Variants in SORCS2 observed in about 807,000 individuals in gnomAD.
SORCS2 encodes VPS10 domain-containing receptor SorCS2.
In SORCS2, 100 loss-of-function variants were observed where a neutral mutation model predicts 141.6. The ratio of observed to expected loss-of-function variants is 0.71; its 90% CI spans 0.60 to 0.83. The LOEUF (loss-of-function observed/expected upper bound fraction) is 0.83, where lower values mean the gene tolerates loss of function less well. SORCS2 is among the 40% of genes least tolerant of loss of function. SORCS2 has a pLI of 0.00. For missense variants in SORCS2, 1,646 were observed against 1,560.2 expected, an observed-to-expected ratio of 1.05 and a Z score of -0.93; for synonymous variants, 789 against 676.9, an observed-to-expected ratio of 1.17 and a Z score of -2.57.
At chr4:7,396,187 TAG>T in intron 1 of SORCS2, 99 bp from the exon 2 acceptor site, 1 of 1,138,190 alleles carries the variant, frequency 8.8e-7, no homozygotes. Context: ...GGCTGTTATT[TAG>T]AGACCCCAAA....
intron 3 of SORCS2, among the ~76,000 whole-genome samples, chr4:7,635,583 G>A (rs866722088): frequency 1.3e-5 from 2 of 152,278 alleles, no homozygotes; most frequent in South Asian, 4.1e-4. Context: ...GGTATGTACA[G>A]TAAGCGTACT....
At chr4:7,287,418 C>A (rs568887845) in intron 1 of SORCS2, among the ~76,000 whole-genome samples, 94 of 152,356 alleles carry the variant, frequency 6.2e-4, no homozygotes, top group African/African-American at 2.2e-3. Context: ...GAATGGAAAC[C>A]GTTCCTACTG....
At chr4:7,591,454 G>T (rs1716907605) in intron 3 of SORCS2, among the ~76,000 whole-genome samples, 1 of 152,172 alleles carries the variant, frequency 6.6e-6, no homozygotes, top group Non-Finnish European at 1.5e-5. Flanking sequence ...AGGGGGCACT[G>T]GGAAGGGTTT....
intron 2 of SORCS2, among the ~76,000 whole-genome samples, chr4:7,465,921 G>A (rs374760529): frequency 2.0e-5 from 3 of 152,124 alleles, no homozygotes; most frequent in Non-Finnish European, 4.4e-5. Flanking sequence ...AAACAGAGGT[G>A]CAGACAGGCC....
intron 2 of SORCS2, among the ~76,000 whole-genome samples, chr4:7,500,047 C>T (rs1731865370): frequency 6.6e-6 from 1 of 152,198 alleles, no homozygotes; most frequent in East Asian, 1.9e-4. Context: ...GACCCAGCTG[C>T]GGCCCCAGAT....
chr4:7,638,619 G>A (rs1487222009), intron 4 of SORCS2, 127 bp downstream of exon 4: 5 of 956,098 alleles, frequency 5.2e-6, no homozygotes, highest in East Asian at 6.0e-5. Flanking sequence ...GGAGCCTCCC[G>A]GGGCTGGGGG....
At chr4:7,698,161 TGGCTGAAG>T (rs1370893727) in intron 12 of SORCS2, among the ~76,000 whole-genome samples, 3 of 152,346 alleles carry the variant, frequency 2.0e-5, no homozygotes, top group Middle Eastern at 3.4e-3. Context: ...ATGGTCTTTC[TGGCTGAAG>T]CTGGCCTGCC....
intron 3 of SORCS2, among the ~76,000 whole-genome samples, chr4:7,618,786 C>G (rs1173391292): frequency 6.6e-6 from 1 of 151,990 alleles, no homozygotes; most frequent in Non-Finnish European, 1.5e-5. Flanking sequence ...GTTTTTTTCA[C>G]TATTTGAGAG....
chr4:7,460,512 C>G (rs192473537), intron 2 of SORCS2, among the ~76,000 whole-genome samples: 2 of 152,356 alleles, frequency 1.3e-5, no homozygotes, highest in African/African-American at 4.8e-5. Flanking sequence ...CCACCTTGCG[C>G]CATTGTGTCT....
At chr4:7,611,767 C>G (rs1256028007) in intron 3 of SORCS2, among the ~76,000 whole-genome samples, 1 of 152,230 alleles carries the variant, frequency 6.6e-6, no homozygotes. Flanking sequence ...TTTCAGTGCC[C>G]GTGAATGCCT....
intron 6 of SORCS2, 28 bp downstream of exon 6, chr4:7,661,592 G>T (rs1722172916): frequency 1.3e-6 from 2 of 1,549,122 alleles, no homozygotes; most frequent in African/African-American, 1.4e-5. Context: ...CAGGCACCGG[G>T]TATCCCTGAG....
At chr4:7,367,316 C>G (rs1266516016) in intron 1 of SORCS2, among the ~76,000 whole-genome samples, 2 of 152,242 alleles carry the variant, frequency 1.3e-5, no homozygotes, top group African/African-American at 2.4e-5. Context: ...TCACGTCAAA[C>G]AGAGTGGGGA....
intron 2 of SORCS2, among the ~76,000 whole-genome samples, chr4:7,490,054 A>C (rs564422680): frequency 1.4e-4 from 21 of 152,330 alleles, no homozygotes; most frequent in East Asian, 1.2e-3. Flanking sequence ...ATAAAAGGGC[A>C]CAAGATCACA....
At chr4:7,340,134 T>C (rs1354033355) in intron 1 of SORCS2, among the ~76,000 whole-genome samples, 1 of 152,002 alleles carries the variant, frequency 6.6e-6, no homozygotes, top group African/African-American at 2.4e-5. Context: ...CTTACCTTCA[T>C]TCTACACAGG....
In SORCS2 at chr4:7,201,655, G is replaced by C. The variant is rs1727489914; in HGVS notation, c.480+8529G>C. Among the ~76,000 whole-genome samples the C allele has an allele frequency of 6.6e-6, 1 of 152,210 alleles. No individual in the cohort carries two copies. Among genetic ancestry groups the C allele is most frequent in the Non-Finnish European group, 1.5e-5 (1 of 68,030 alleles). On this transcript the variant is annotated intron_variant, in intron 1 of 26. Transcript: ENST00000507866. The surrounding 1 kb of genome is among the most constrained non-coding windows in gnomAD (Gnocchi z 4.4). ...GCAGGAAGAAATGGAGGGGAAGCTT[G>C]TACGTTGCCTCCTCTTTTGGGGCCG...
At chr4:7,504,050 G>A (rs1732132192) in intron 2 of SORCS2, among the ~76,000 whole-genome samples, 1 of 152,152 alleles carries the variant, frequency 6.6e-6, no homozygotes, top group South Asian at 2.1e-4. Context: ...TCCCACCCCT[G>A]ACCTCAAACC....
In SORCS2 at chr4:7,728,346, C is replaced by G; in HGVS notation, c.2870-4C>G. 6.2e-7 allele frequency: 1 copy of G among 1,610,470 alleles called. No individual in the cohort carries two copies. The highest frequency in any genetic ancestry group is 8.5e-7 in the Non-Finnish European group (1 of 1,177,354). On this transcript the variant is annotated splice_region_variant and splice_polypyrimidine_tract_variant and intron_variant, in intron 21 of 26. Coordinates refer to ENST00000507866, the MANE Select transcript of SORCS2 (RefSeq NM_020777.3). Reference sequence around the variant, plus strand: ...ACCAGTCTCCCTTCTCTGCGTCTTTCCAGATCAATTTCAAGTCATGCCTCT... The same window carrying G: ...ACCAGTCTCCCTTCTCTGCGTCTTTGCAGATCAATTTCAAGTCATGCCTCT...
chr4:7,270,367 G>T (rs1465618908), intron 1 of SORCS2, among the ~76,000 whole-genome samples: 1 of 152,256 alleles, frequency 6.6e-6, no homozygotes, highest in Non-Finnish European at 1.5e-5. Flanking sequence ...CCTTGCAGGG[G>T]GAGCTGCGCT....
intron 20 of SORCS2, among the ~76,000 whole-genome samples, chr4:7,725,732 A>T (rs1158246133): frequency 6.6e-6 from 1 of 152,192 alleles, no homozygotes; most frequent in African/African-American, 2.4e-5. Context: ...AGCCACAGAT[A>T]GTTCTTGAGC....
Sources: allele counts gnomAD v4.1 joint callset (sites outside exome capture counted in the v4.1 genomes callset), GRCh38; gene constraint gnomAD v4.1.1; non-coding constraint Gnocchi (gnomAD v3.1); transcripts MANE v1.5; gene names NCBI Gene and HGNC (gene_info 2026-07-23, HGNC 2026-07-21).